Variants in RGS7 observed in about 807,000 individuals in gnomAD.
The protein encoded by RGS7 is regulator of G-protein signaling 7.
A neutral mutation model predicts 81.1 loss-of-function variants in RGS7; 27 were observed. The observed-to-expected ratio is 0.33, with a 90% CI of 0.25 to 0.46. The LOEUF is 0.46. RGS7 is among the 20% of genes least tolerant of loss of function. The pLI is 1.00. For missense variants in RGS7, 396 were observed against 607.4 expected, an observed-to-expected ratio of 0.65 and a Z score of 3.66; for synonymous variants, 208 against 207.7, an observed-to-expected ratio of 1.00 and a Z score of -0.01.
At chr1:240,878,952 C>T (rs954339415) in intron 6 of RGS7, among the ~76,000 whole-genome samples, 1 of 152,060 alleles carries the variant, frequency 6.6e-6, no homozygotes, top group African/African-American at 2.4e-5. Flanking sequence ...TTACAAAGAA[C>T]AATCCAGTGA....
chr1:241,208,390 C>A (rs1168853044), intron 2 of RGS7, among the ~76,000 whole-genome samples: 1 of 152,102 alleles, frequency 6.6e-6, no homozygotes, highest in Non-Finnish European at 1.5e-5. Context: ...CACCACGACA[C>A]TGCTGGCAAG....
rs571509010 is a variant in RGS7, at chr1:241,276,975, C to T, written c.78+78724G>A. ...ATTCAGGTATCCTTCGTACCTCTGC[C>T]CAGAGACAATGTCCATCGTCAGCTT... On this transcript the variant is annotated intron_variant, in intron 2 of 18. Transcript: ENST00000440928. Among the ~76,000 whole-genome samples the T allele has an allele frequency of 5.9e-5, 9 of 152,248 alleles. No homozygotes were observed. In the South Asian group the frequency reaches 1.4e-3, roughly 25 times the overall value.
intron 2 of RGS7, among the ~76,000 whole-genome samples, chr1:241,101,777 G>C (rs1479252129): frequency 6.6e-6 from 1 of 152,120 alleles, no homozygotes; most frequent in African/African-American, 2.4e-5. Flanking sequence ...TGTATTATCT[G>C]CTTAACGGTT....
At chr1:240,922,677 C>T (rs754067104) in intron 6 of RGS7, among the ~76,000 whole-genome samples, 2 of 152,022 alleles carry the variant, frequency 1.3e-5, no homozygotes, top group Non-Finnish European at 2.9e-5. Context: ...TGAGATACCA[C>T]ATCTATTAAA....
At chr1:241,120,290 C>G (rs1042406376) in intron 2 of RGS7, among the ~76,000 whole-genome samples, 1 of 152,178 alleles carries the variant, frequency 6.6e-6, no homozygotes, top group African/African-American at 2.4e-5. Flanking sequence ...ATACACCTTG[C>G]TCTCTACATA....
chr1:241,221,069 GAGAAAGGAAGGAAGGAAGGA>G lies in RGS7; in HGVS notation c.79-122327_79-122308del, dbSNP rs554994286. On this transcript the variant is annotated intron_variant, in intron 2 of 18. Coordinates refer to ENST00000440928, the MANE Select transcript of RGS7 (RefSeq NM_001364886.1). Reference sequence around the variant, plus strand: ...AAAGAAAGAAAGAAAGAGAGAGAGAGAGAAAGGAAGGAAGGAAGGAAGAAAGGAAGGAAGGAAGGAAGGAA... The same window carrying G: ...AAAGAAAGAAAGAAAGAGAGAGAGAGAGAAAGGAAGGAAGGAAGGAAGGAA... Among the ~76,000 whole-genome samples, 67 of 125,184 alleles carry G rather than the reference GAGAAAGGAAGGAAGGAAGGA, an allele frequency of 5.4e-4. 1 individual carries two copies. In the South Asian group the frequency reaches 0.014, roughly 27 times the overall value. 82.1% of individuals were successfully genotyped at this position (125,184 alleles called of 152,430 possible).
chr1:240,975,656 T>C (rs2148527237), intron 4 of RGS7, among the ~76,000 whole-genome samples: 1 of 152,342 alleles, frequency 6.6e-6, no homozygotes, highest in East Asian at 1.9e-4. Context: ...TTGTGAAGGA[T>C]CCAGACTTTC....
intron 2 of RGS7, among the ~76,000 whole-genome samples, chr1:241,223,251 C>G (rs1036692055): frequency 6.6e-6 from 1 of 152,186 alleles, no homozygotes; most frequent in Non-Finnish European, 1.5e-5. Flanking sequence ...ATAACAGTCA[C>G]AACCACAAAT....
Position 240,887,420 on chromosome 1 carries a change from G to A in RGS7, c.386-17301C>T, listed in dbSNP as rs550376385. Among the ~76,000 whole-genome samples the A allele has an allele frequency of 4.6e-5, 7 of 152,112 alleles. No homozygotes were observed. In the East Asian group the frequency reaches 1.4e-3, roughly 30 times the overall value. On this transcript the variant is annotated intron_variant, in intron 6 of 18. Coordinates refer to ENST00000440928, the MANE Select transcript of RGS7 (RefSeq NM_001364886.1). ...ATTTTTTGTATTTTTAGTAGAGATGGGGTTTCACCGTGTTAGCCAGGATGG... is the reference window on the plus strand; with the variant it reads ...ATTTTTTGTATTTTTAGTAGAGATGAGGTTTCACCGTGTTAGCCAGGATGG...
At chr1:241,031,651 T>C (rs996156031) in intron 3 of RGS7, among the ~76,000 whole-genome samples, 1 of 152,226 alleles carries the variant, frequency 6.6e-6, no homozygotes, top group Non-Finnish European at 1.5e-5. Flanking sequence ...TTTTTTTGAC[T>C]TTTTATAATA....
chr1:240,896,109 C>A (rs866694590), intron 6 of RGS7, among the ~76,000 whole-genome samples: 1 of 152,072 alleles, frequency 6.6e-6, no homozygotes, highest in East Asian at 1.9e-4. Flanking sequence ...CTGTTCATAT[C>A]CTTTGCCCAC....
rs571332682 is a variant in RGS7 at position 241,163,737 on chromosome 1, G to C, written c.79-64975C>G. Among the ~76,000 whole-genome samples, 5 of 151,172 alleles carry C rather than the reference G, an allele frequency of 3.3e-5. No homozygotes were observed. The highest frequency in any genetic ancestry group is 5.9e-5 in the Non-Finnish European group (4 of 68,020). On this transcript the variant is annotated intron_variant, in intron 2 of 18. Coordinates refer to ENST00000440928, the MANE Select transcript of RGS7 (RefSeq NM_001364886.1). The surrounding 1 kb of genome is among the most constrained non-coding windows in gnomAD (Gnocchi z 4.6). ...ACATAAGCTTCTGAACCCCACTGGGGAGTTGGGATAATCACTCTGCAGTTT... is the reference window on the plus strand; with the variant it reads ...ACATAAGCTTCTGAACCCCACTGGGCAGTTGGGATAATCACTCTGCAGTTT...
intron 3 of RGS7, among the ~76,000 whole-genome samples, chr1:241,010,098 G>A (rs752856226): frequency 5.3e-5 from 8 of 152,070 alleles, no homozygotes; most frequent in East Asian, 1.9e-4. Context: ...ACTAGTTGAC[G>A]GGTGCAGAAA....
At chr1:241,138,551 A>C (rs2067692231) in intron 2 of RGS7, among the ~76,000 whole-genome samples, 1 of 152,196 alleles carries the variant, frequency 6.6e-6, no homozygotes, top group Admixed American at 6.5e-5. Flanking sequence ...TACTGGAAGT[A>C]CCACATCTGT....
chr1:241,000,297 G>C (rs1468820709), intron 3 of RGS7, among the ~76,000 whole-genome samples: 2 of 152,044 alleles, frequency 1.3e-5, no homozygotes, highest in Non-Finnish European at 2.9e-5. Context: ...AGAAAAATGG[G>C]TTTCAAAAAG....
chr1:240,793,611 A>ATATATATATATATATATATTTTTTTT, intron 18 of RGS7, among the ~76,000 whole-genome samples: 10 of 78,798 alleles, frequency 1.3e-4, no homozygotes, highest in African/African-American at 5.8e-4. Context: ...ATATATATAT[A>ATATATATATATATATATATTTTTTTT]TTTTTTTTTT....
Position 240,967,567 on chromosome 1 carries a change from G to GT in RGS7, c.226+15511dup, listed in dbSNP as rs1491201420. ...AGGGTCAAAGTGATTGTGCCAAGAA[G>GT]TGGGGGGGGGGGGGAAAAGGCTGTA... On this transcript the variant is annotated intron_variant, in intron 4 of 18. Coordinates refer to ENST00000440928, the MANE Select transcript of RGS7 (RefSeq NM_001364886.1). Among the ~76,000 whole-genome samples the GT allele has an allele frequency of 3.7e-4, 43 of 117,428 alleles. 2 individuals carry two copies. The highest frequency in any genetic ancestry group is 1.0e-3 in the African/African-American group (34 of 33,676). The allele number at this position is 117,428 out of a possible 152,430, so 77.0% of individuals were successfully genotyped here. A position where few individuals can be genotyped will look rare whatever the true frequency, so the allele number is the denominator to read the frequency against.
chr1:241,288,374 T>C (rs1041296445), intron 2 of RGS7, among the ~76,000 whole-genome samples: 2 of 152,218 alleles, frequency 1.3e-5, no homozygotes, highest in African/African-American at 4.8e-5. Flanking sequence ...CTTTCTCACA[T>C]ATCTAGTTCA....
intron 4 of RGS7, among the ~76,000 whole-genome samples, chr1:240,947,489 C>T (rs371464200): frequency 5.9e-5 from 9 of 152,094 alleles, no homozygotes; most frequent in African/African-American, 1.9e-4. Context: ...TTCCACTGCT[C>T]GGACCAAAAA....
Sources: gnomAD v4.1 joint callset for allele counts (sites outside exome capture counted in the v4.1 genomes callset) on GRCh38, gnomAD v4.1.1 for gene constraint, Gnocchi (gnomAD v3.1) non-coding constraint, MANE v1.5 for transcripts, NCBI Gene and HGNC (gene_info 2026-07-23, HGNC 2026-07-21) for gene names.